HFM1: variants seen among roughly 807,000 people sequenced by gnomAD.
HFM1 encodes the protein probable ATP-dependent DNA helicase HFM1.
A neutral mutation model predicts 192.1 loss-of-function variants in HFM1; 169 were observed. The ratio of observed to expected loss-of-function variants is 0.88; its 90% CI spans 0.78 to 1.00. The LOEUF is 1.00. HFM1 is among the 50% of genes least tolerant of loss of function. The pLI, the probability that HFM1 is intolerant of heterozygous loss-of-function variation, is 0.00. For missense variants in HFM1, 1,661 were observed against 1,668.0 expected (o/e 1.00, Z 0.07); for synonymous variants, 525 against 537.8 (o/e 0.98, Z 0.33).
chr1:91,346,063 T>C (rs1307405077), intron 19 of HFM1, among the ~76,000 whole-genome samples: 3 of 152,238 alleles, frequency 2.0e-5, no homozygotes, highest in Admixed American at 2.0e-4. Context: ...CTTGTTAATC[T>C]GTCTTGTTAC....
At chr1:91,367,040 G>C (rs577770675) in intron 13 of HFM1, among the ~76,000 whole-genome samples, 11 of 152,326 alleles carry the variant, frequency 7.2e-5, no homozygotes, top group African/African-American at 2.6e-4. Flanking sequence ...CAAACTGCAA[G>C]GCGGCAGTGA....
chr1:91,274,817 T>C lies in HFM1; in HGVS notation c.3589-8A>G, dbSNP rs769568590. The C allele has an allele frequency of 2.0e-6, 3 of 1,465,570 alleles. No individual in the cohort carries two copies. Among genetic ancestry groups the C allele is most frequent in the Admixed American group, 3.5e-5 (2 of 56,680 alleles). The allele number at this position is 1,465,570 out of a possible 1,614,324, so 90.8% of individuals were successfully genotyped here. A position where few individuals can be genotyped will look rare whatever the true frequency, so the allele number is the denominator to read the frequency against. On this transcript the variant is annotated splice_region_variant and splice_polypyrimidine_tract_variant and intron_variant, in intron 32 of 38. Coordinates refer to ENST00000370425, the MANE Select transcript of HFM1 (RefSeq NM_001017975.6). ...AGATTTATTCATCTGTATCTATTAATGAAACAAAAATAAGTTCAACTATCA... is the reference window on the plus strand; with the variant it reads ...AGATTTATTCATCTGTATCTATTAACGAAACAAAAATAAGTTCAACTATCA...
chr1:91,297,670 C>T (rs1372507738), intron 30 of HFM1, among the ~76,000 whole-genome samples: 2 of 152,034 alleles, frequency 1.3e-5, no homozygotes, highest in Non-Finnish European at 2.9e-5. Flanking sequence ...TGCTGATACC[C>T]AGGAAAACAG....
chr1:91,346,588 T>A (rs1656174634), intron 19 of HFM1, among the ~76,000 whole-genome samples: 1 of 152,374 alleles, frequency 6.6e-6, no homozygotes, highest in East Asian at 1.9e-4. Context: ...TAAATATTTT[T>A]AGAGGACCTA....
chr1:91,285,354 C>A (rs281944), intron 30 of HFM1, among the ~76,000 whole-genome samples: 152,085 of 152,338 alleles, frequency 1, 75,916 homozygotes, highest in Non-Finnish European at 1. Flanking sequence ...ATTTGTTCAA[C>A]TTGAAAGCAT....
intron 30 of HFM1, among the ~76,000 whole-genome samples, chr1:91,311,302 A>G (rs1254870225): frequency 6.6e-6 from 1 of 152,166 alleles, no homozygotes; most frequent in Admixed American, 6.5e-5. Context: ...AGCATTCAAG[A>G]GGTGATATGG....
chr1:91,339,777 C>T (rs146518510), intron 20 of HFM1, among the ~76,000 whole-genome samples: 68 of 152,074 alleles, frequency 4.5e-4, no homozygotes, highest in African/African-American at 1.6e-3. Context: ...GAGGGGTCAA[C>T]ATTCAAATTC....
At chr1:91,280,511 C>G (rs1667364781) in intron 30 of HFM1, among the ~76,000 whole-genome samples, 1 of 152,212 alleles carries the variant, frequency 6.6e-6, no homozygotes, top group African/African-American at 2.4e-5. Context: ...GCCCCATGAT[C>G]ATCCTTAAAA....
chr1:91,369,222 C>A (rs531670063), intron 13 of HFM1, among the ~76,000 whole-genome samples: 5 of 152,206 alleles, frequency 3.3e-5, no homozygotes, highest in East Asian at 3.9e-4. Context: ...TATCCAGGAA[C>A]TGAACTCAGC....
At chr1:91,337,631 G>A (rs1342148365) in intron 20 of HFM1, among the ~76,000 whole-genome samples, 1 of 152,134 alleles carries the variant, frequency 6.6e-6, no homozygotes, top group Non-Finnish European at 1.5e-5. Flanking sequence ...TTTTCCGGGA[G>A]GCCTCAGGTA....
intron 6 of HFM1, among the ~76,000 whole-genome samples, chr1:91,382,006 C>T (rs1366936831): frequency 6.6e-6 from 1 of 152,086 alleles, no homozygotes; most frequent in Non-Finnish European, 1.5e-5. Flanking sequence ...CCGCATCAGC[C>T]CCTGCCTTTA....
At chr1:91,376,056 C>T (rs1660871157) in intron 11 of HFM1, among the ~76,000 whole-genome samples, 1 of 151,848 alleles carries the variant, frequency 6.6e-6, no homozygotes, top group Non-Finnish European at 1.5e-5. Context: ...ATTATTTTAA[C>T]TTCTTTGCTA....
intron 30 of HFM1, among the ~76,000 whole-genome samples, chr1:91,309,024 ACCACAAAACTATATCCTAC>A (rs1403035417): frequency 6.6e-6 from 1 of 152,242 alleles, no homozygotes; most frequent in Non-Finnish European, 1.5e-5. Flanking sequence ...GCACTGGCCT[ACCACAAAACTATATCCTAC>A]CCAGAAATGG....
intron 20 of HFM1, among the ~76,000 whole-genome samples, chr1:91,333,188 T>C (rs1017026137): frequency 9.2e-5 from 14 of 152,148 alleles, no homozygotes; most frequent in Admixed American, 8.5e-4. Context: ...ATAGCCAAGA[T>C]TTGGAAGCAA....
intron 30 of HFM1, among the ~76,000 whole-genome samples, chr1:91,289,991 G>A (rs961017975): frequency 1.3e-5 from 2 of 152,054 alleles, no homozygotes; most frequent in African/African-American, 4.8e-5. Flanking sequence ...TTACAGACAA[G>A]CAAATGCTGA....
intron 9 of HFM1, 48 bp downstream of exon 9, chr1:91,379,015 G>T: frequency 1.7e-6 from 2 of 1,143,188 alleles, no homozygotes; most frequent in South Asian, 1.8e-5. Context: ...AGAAAAATAG[G>T]TATTTTCTAA....
chr1:91,365,714 A>G lies in HFM1; in HGVS notation c.1685+9644T>C, dbSNP rs540556412. Reference sequence around the variant, plus strand: ...TCATGACTTTTTTTAAGGATTCACAATGGAATGAAGATAAGGCAAGAGGAA... The same window carrying G: ...TCATGACTTTTTTTAAGGATTCACAGTGGAATGAAGATAAGGCAAGAGGAA... On this transcript the variant is annotated intron_variant, in intron 13 of 38. Coordinates refer to ENST00000370425, the MANE Select transcript of HFM1 (RefSeq NM_001017975.6). 3.9e-5 allele frequency among the ~76,000 whole-genome samples: 6 copies of G among 152,256 alleles called. No individual in the cohort carries two copies. The South Asian group carries it at 1.2e-3, about 32-fold the overall frequency.
At chr1:91,362,978 A>G (rs745404008) in intron 13 of HFM1, among the ~76,000 whole-genome samples, 37 of 152,198 alleles carry the variant, frequency 2.4e-4, no homozygotes, top group Admixed American at 2.6e-4. Context: ...AGCCATATGC[A>G]GAAAATTGAA....
chr1:91,350,635 A>G, intron 18 of HFM1, 103 bp downstream of exon 18: 1 of 1,020,248 alleles, frequency 9.8e-7, no homozygotes, highest in South Asian at 1.6e-5. Context: ...TTGTTTTGTT[A>G]CCTATTAGTT....
Sources: allele counts gnomAD v4.1 joint callset (sites outside exome capture counted in the v4.1 genomes callset), GRCh38; gene constraint gnomAD v4.1.1; transcripts MANE v1.5; gene names NCBI Gene and HGNC (gene_info 2026-07-23, HGNC 2026-07-21).